IL1RAPL1: variants seen among roughly 807,000 people sequenced by gnomAD.
IL1RAPL1 encodes interleukin-1 receptor accessory protein-like 1.
Under a neutral mutation model 48.4 loss-of-function variants are expected in IL1RAPL1, and 3 were observed. That is an observed-to-expected ratio of 0.06 (90% CI 0.03 to 0.16). The LOEUF (loss-of-function observed/expected upper bound fraction) is 0.16. IL1RAPL1 is among the 10% of genes least tolerant of loss of function. The pLI, the probability that IL1RAPL1 is intolerant of heterozygous loss-of-function variation, is 1.00. For synonymous variants in IL1RAPL1, 185 were observed against 187.7 expected (o/e 0.99, Z 0.12); for missense variants, 349 against 530.6 (o/e 0.66, Z 3.36).
chrX:29,196,211 C>G, intron 2 of IL1RAPL1, among the ~76,000 whole-genome samples: 1 of 112,166 alleles, frequency 8.9e-6, no homozygotes, highest in South Asian at 3.7e-4. Context: ...AAGGTGGAAG[C>G]ACTTACAACT....
intron 6 of IL1RAPL1, among the ~76,000 whole-genome samples, chrX:29,838,676 G>C (rs1931068775): frequency 8.9e-6 from 1 of 111,901 alleles, no homozygotes; most frequent in Non-Finnish European, 1.9e-5. Context: ...GATAGGCATA[G>C]GTATAGAATC....
At chrX:28,996,051 T>C (rs189521287) in intron 2 of IL1RAPL1, among the ~76,000 whole-genome samples, 1 of 111,609 alleles carries the variant, frequency 9.0e-6, no homozygotes, top group Non-Finnish European at 1.9e-5. Flanking sequence ...TTTTAGAACA[T>C]TTTCATCATT....
intron 2 of IL1RAPL1, among the ~76,000 whole-genome samples, chrX:29,203,737 A>G: frequency 1.3e-5 from 1 of 78,181 alleles, no homozygotes; most frequent in South Asian, 7.2e-4. Flanking sequence ...ATATATATAT[A>G]TATATATATA....
chrX:29,026,135 G>A (rs962056818), intron 2 of IL1RAPL1, among the ~76,000 whole-genome samples: 1 of 111,820 alleles, frequency 8.9e-6, no homozygotes, highest in Non-Finnish European at 1.9e-5. Context: ...ATCTCATCAG[G>A]ACCTAGTATC....
chrX:29,713,344 A>C (rs1927401572), intron 6 of IL1RAPL1, among the ~76,000 whole-genome samples: 1 of 111,872 alleles, frequency 8.9e-6, no homozygotes, highest in South Asian at 3.7e-4. Context: ...TACAGACATG[A>C]GAAGACAAGA....
chrX:28,616,212 C>T (rs1416913443), intron 1 of IL1RAPL1, among the ~76,000 whole-genome samples: 1 of 111,971 alleles, frequency 8.9e-6, no homozygotes, highest in Admixed American at 9.4e-5. Flanking sequence ...TCTTTCAGGC[C>T]TATCATTTTG....
intron 3 of IL1RAPL1, among the ~76,000 whole-genome samples, chrX:29,393,410 C>G (rs1237154494): frequency 8.9e-6 from 1 of 111,873 alleles, no homozygotes; most frequent in Non-Finnish European, 1.9e-5. Flanking sequence ...CTTGAGCCAC[C>G]GCGCCCTGCC....
intron 2 of IL1RAPL1, among the ~76,000 whole-genome samples, chrX:29,033,619 C>T (rs1926667504): frequency 9.0e-6 from 1 of 111,204 alleles, no homozygotes; most frequent in Non-Finnish European, 1.9e-5. Flanking sequence ...AAGGCAGTGA[C>T]ATCCGCTGTT....
intron 6 of IL1RAPL1, among the ~76,000 whole-genome samples, chrX:29,724,694 T>C (rs1271430238): frequency 8.9e-6 from 1 of 111,888 alleles, no homozygotes; most frequent in Non-Finnish European, 1.9e-5. Flanking sequence ...TAACAGCACG[T>C]TGAAAAACAC....
At chrX:29,796,266 A>G (rs1475807236) in intron 6 of IL1RAPL1, among the ~76,000 whole-genome samples, 2 of 112,429 alleles carry the variant, frequency 1.8e-5, no homozygotes, top group Non-Finnish European at 3.8e-5. Context: ...ACTGAGCCTC[A>G]TGCTACCTAC....
intron 2 of IL1RAPL1, among the ~76,000 whole-genome samples, chrX:29,273,653 C>T (rs1241475130): frequency 9.0e-6 from 1 of 111,690 alleles, no homozygotes; most frequent in African/African-American, 3.3e-5. Flanking sequence ...GCACATTTTT[C>T]AGCTGAGGAG....
chrX:29,443,714 G>A (rs756621918), intron 5 of IL1RAPL1, among the ~76,000 whole-genome samples: 6 of 111,718 alleles, frequency 5.4e-5, no homozygotes, highest in African/African-American at 2.0e-4. Context: ...TGGTGGGGTC[G>A]TCAATTTGGG....
At chrX:29,896,138 G>A (rs1173263023) in intron 6 of IL1RAPL1, among the ~76,000 whole-genome samples, 1 of 112,015 alleles carries the variant, frequency 8.9e-6, no homozygotes, top group Non-Finnish European at 1.9e-5. Flanking sequence ...GCTATCAGTG[G>A]ACGTCAGACT....
At chrX:28,957,332 A>G (rs2147359450) in intron 2 of IL1RAPL1, among the ~76,000 whole-genome samples, 1 of 112,028 alleles carries the variant, frequency 8.9e-6, no homozygotes, top group Admixed American at 9.5e-5. Context: ...ACACATAAGA[A>G]TGACAATTTC....
intron 2 of IL1RAPL1, among the ~76,000 whole-genome samples, chrX:28,975,475 T>A (rs1925182545): frequency 8.9e-6 from 1 of 112,197 alleles, no homozygotes; most frequent in Non-Finnish European, 1.9e-5. Context: ...ACAATTAATA[T>A]TTGAATTGGG....
chrX:29,117,106 C>T (rs1269088536), intron 2 of IL1RAPL1, among the ~76,000 whole-genome samples: 2 of 111,188 alleles, frequency 1.8e-5, no homozygotes, highest in South Asian at 3.8e-4. Flanking sequence ...GTGATTGAAA[C>T]GTTTGCAGAT....
intron 5 of IL1RAPL1, among the ~76,000 whole-genome samples, chrX:29,541,764 A>G (rs188037451): frequency 1.8e-5 from 2 of 110,742 alleles, no homozygotes; most frequent in Middle Eastern, 4.6e-3. Context: ...GAAGGCAACA[A>G]TAGAAACTGG....
intron 2 of IL1RAPL1, among the ~76,000 whole-genome samples, chrX:28,977,950 T>C (rs888657865): frequency 2.2e-4 from 24 of 111,453 alleles, no homozygotes; most frequent in African/African-American, 7.8e-4. Flanking sequence ...GGCTACAGAG[T>C]GAGACTCTGT....
intron 2 of IL1RAPL1, among the ~76,000 whole-genome samples, chrX:29,024,553 T>A (rs1926442975): frequency 8.9e-6 from 1 of 111,965 alleles, no homozygotes; most frequent in South Asian, 3.7e-4. Context: ...ATTGTGAAAA[T>A]TAAATGTAAT....
Sources: allele counts gnomAD v4.1 joint callset (sites outside exome capture counted in the v4.1 genomes callset), GRCh38; gene constraint gnomAD v4.1.1; transcripts MANE v1.5; gene names NCBI Gene and HGNC (gene_info 2026-07-23, HGNC 2026-07-21).